Variants in GREB1 observed in about 807,000 individuals in gnomAD.
GREB1 encodes growth regulating estrogen receptor binding 1, also known as protein GREB1.
A neutral mutation model predicts 200.7 loss-of-function variants in GREB1; 106 were observed. The observed-to-expected ratio is 0.53, with a 90% confidence interval of 0.45 to 0.62. The LOEUF is 0.62. Ranked by LOEUF, GREB1 falls within the 20% of genes least tolerant of loss-of-function variation. GREB1 has a pLI of 0.00. For synonymous variants in GREB1, 1,132 were observed against 1,092.4 expected, an observed-to-expected ratio of 1.04 and a Z score of -0.72; for missense variants, 2,243 against 2,556.8, an observed-to-expected ratio of 0.88 and a Z score of 2.65.
rs1680896926 is a variant in GREB1 at position 11,593,077 on chromosome 2, CA to C, written c.1648del (p.Ile550SerfsTer47). On this transcript the variant is annotated frameshift_variant, in exon 11 of 33. Transcript: ENST00000381486. LOFTEE classifies it high-confidence loss of function. ...TTGCCAAGACCAACTACGTGGTCAT[CA>C]TCTGCGCCTGCCGCAGCGCGGCCAT... ...KLAKTNYVVI[I>X]CACRSAAIDS... 6.2e-7 allele frequency: 1 copy of C among 1,611,190 alleles called. No homozygotes were observed. The highest frequency in any genetic ancestry group is 1.7e-5 in the Admixed American group (1 of 59,910).
chr2:11,564,868 T>C (rs1032255979), intron 3 of GREB1, among the ~76,000 whole-genome samples: 2 of 152,330 alleles, frequency 1.3e-5, no homozygotes, highest in East Asian at 3.9e-4. Flanking sequence ...CTGACAATCA[T>C]GGTGGAAGGT....
chr2:11,550,537 G>C (rs566160179), intron 1 of GREB1, among the ~76,000 whole-genome samples: 1 of 152,214 alleles, frequency 6.6e-6, no homozygotes, highest in Non-Finnish European at 1.5e-5. Flanking sequence ...AGGGGAAAGG[G>C]CTGCTCGGGA....
At position 11,625,186 on chromosome 2, in the gene GREB1, C is replaced by T. The variant is rs901315544; in HGVS notation, c.4180C>T (p.Gln1394Ter). 1.2e-6 allele frequency: 2 copies of T among 1,613,954 alleles called. No individual in the cohort carries two copies. The highest frequency in any genetic ancestry group is 1.7e-6 in the Non-Finnish European group (2 of 1,179,824). The change falls in exon 24 of 33, where the codon CAG becomes TAG. Residue 1394 changes from glutamine to a stop codon, truncating the protein, a stop_gained. Coordinates refer to ENST00000381486, the MANE Select transcript of GREB1 (RefSeq NM_014668.4). LOFTEE classifies it high-confidence loss of function. ...AGAAGAATCTGACTGGCATTATCTCCAGCTTAGCGACCCCTGGCCAGACCT... is the reference window on the plus strand; with the variant it reads ...AGAAGAATCTGACTGGCATTATCTCTAGCTTAGCGACCCCTGGCCAGACCT... ...LREESDWHYLQLSDPWPDLEL... is the reference protein window; with the variant it reads ...LREESDWHYL
At chr2:11,621,111 A>G in intron 23 of GREB1, 104 bp downstream of exon 23, 1 of 758,946 alleles carries the variant, frequency 1.3e-6, no homozygotes, top group Admixed American at 1.9e-5. Flanking sequence ...TCTCAGATTC[A>G]TGATCAGACT....
intron 1 of GREB1, among the ~76,000 whole-genome samples, chr2:11,489,993 A>G (rs1672743530): frequency 6.7e-6 from 1 of 149,356 alleles, no homozygotes; most frequent in South Asian, 2.1e-4. Context: ...TTGTAATTGT[A>G]TTACAATTAT....
chr2:11,618,436 G>A lies in GREB1; in HGVS notation c.3561G>A (p.Ser1187=), dbSNP rs766229225. The change falls in exon 22 of 33, where the codon TCG becomes TCA. Residue 1187 remains serine (S), a synonymous_variant. Transcript: ENST00000381486. ...CCCGGGCAAGTCAGGGGCCACCCTC[G>A]GCCATCAGCAGGCACAGTCCCGGGC... ...QRPRASQGPP[S]AISRHSPGPT... 1.6e-5 allele frequency: 25 copies of A among 1,606,050 alleles called. No individual in the cohort carries two copies. The East Asian group carries it at 2.0e-4, about 13-fold the overall frequency.
Position 11,562,503 on chromosome 2 carries a change from A to C in GREB1, c.198A>C (p.Gly66=), listed in dbSNP as rs1255863159. The C allele has an allele frequency of 6.2e-7, 1 of 1,609,110 alleles. No homozygotes were observed. Among genetic ancestry groups the C allele is most frequent in the Non-Finnish European group, 8.5e-7 (1 of 1,177,848 alleles). The part of the protein sequence containing the change: ...RVDNEEEEEE[G]EGGLETNGPP... Reference sequence around the variant, plus strand: ...ACAATGAGGAAGAGGAAGAAGAGGGAGAAGGAGGGCTGGAAACAAATGGCC... The same window carrying C: ...ACAATGAGGAAGAGGAAGAAGAGGGCGAAGGAGGGCTGGAAACAAATGGCC... The change falls in exon 3 of 33, where the codon GGA becomes GGC. Residue 66 remains glycine (G), a synonymous_variant. Coordinates refer to ENST00000381486, the MANE Select transcript of GREB1 (RefSeq NM_014668.4).
At chr2:11,510,892 C>T (rs1572568419) in intron 1 of GREB1, among the ~76,000 whole-genome samples, 1 of 152,052 alleles carries the variant, frequency 6.6e-6, no homozygotes, top group Non-Finnish European at 1.5e-5. Context: ...AGGCTGGTCT[C>T]GAACTCCTGA....
chr2:11,640,224 G>T lies in GREB1; in HGVS notation c.5687-67G>T. ...TGTCTTGTCATTGCAAGTAGAATCC[G>T]GGCAGCCGCTTTCCTCTGGATAAAC... On this transcript the variant is annotated intron_variant, in intron 32 of 32. Coordinates refer to ENST00000381486, the MANE Select transcript of GREB1 (RefSeq NM_014668.4). The surrounding 1 kb of genome is among the most constrained non-coding windows in gnomAD (Gnocchi z 4.6). The T allele has an allele frequency of 6.7e-7, 1 of 1,491,910 alleles. No individual in the cohort carries two copies. Among genetic ancestry groups the T allele is most frequent in the South Asian group, 1.3e-5 (1 of 79,212 alleles). 92.4% of individuals were successfully genotyped at this position (1,491,910 alleles called of 1,614,324 possible).
chr2:11,554,101 C>T (rs1056671219), intron 1 of GREB1, among the ~76,000 whole-genome samples: 3 of 152,106 alleles, frequency 2.0e-5, no homozygotes, highest in African/African-American at 4.8e-5. Context: ...TAAAGTCTGC[C>T]ACAGATCGAG....
intron 4 of GREB1, among the ~76,000 whole-genome samples, chr2:11,574,118 A>G (rs1678590498): frequency 6.6e-6 from 1 of 152,222 alleles, no homozygotes; most frequent in Admixed American, 6.5e-5. Context: ...TTATTCCTTC[A>G]GAGTGCTTAC....
intron 1 of GREB1, among the ~76,000 whole-genome samples, chr2:11,511,439 G>A (rs1370433862): frequency 5.3e-5 from 8 of 152,148 alleles, no homozygotes; most frequent in Admixed American, 5.2e-4. Flanking sequence ...TCTAGGTGGG[G>A]TAAACTTTGG....
intron 1 of GREB1, among the ~76,000 whole-genome samples, chr2:11,506,474 G>T (rs1337934445): frequency 6.6e-6 from 1 of 152,138 alleles, no homozygotes; most frequent in Non-Finnish European, 1.5e-5. Flanking sequence ...CCAGACCAGT[G>T]GGCATTTTGT....
chr2:11,488,309 T>G (rs530480954), intron 1 of GREB1, among the ~76,000 whole-genome samples: 45 of 152,236 alleles, frequency 3.0e-4, no homozygotes, highest in Admixed American at 7.2e-4. Context: ...GAGGAGTCTG[T>G]AAGCTCTTAA....
intron 1 of GREB1, among the ~76,000 whole-genome samples, chr2:11,554,673 A>C (rs1676260512): frequency 6.6e-6 from 1 of 152,220 alleles, no homozygotes; most frequent in Non-Finnish European, 1.5e-5. Flanking sequence ...TGTTACTTTA[A>C]AGATGAACAG....
chr2:11,489,867 G>A (rs1672740345), intron 1 of GREB1, among the ~76,000 whole-genome samples: 1 of 151,720 alleles, frequency 6.6e-6, no homozygotes, highest in African/African-American at 2.4e-5. Flanking sequence ...GCTCAGAAGT[G>A]GCTTGTTAAG....
chr2:11,587,554 A>G, intron 9 of GREB1: 4 of 1,533,138 alleles, frequency 2.6e-6, no homozygotes, highest in South Asian at 2.4e-5. Flanking sequence ...GCCCTTGAGA[A>G]GCAGTGTCTT....
rs1193212169 is a variant in GREB1 at position 11,493,327 on chromosome 2, C to G, written c.-159+10946C>G. Among the ~76,000 whole-genome samples, 1 of 152,136 alleles carries G rather than the reference C, an allele frequency of 6.6e-6. No individual in the cohort carries two copies. Reference sequence around the variant, plus strand: ...AGACAGGGTGTGGGGGAGGGTGAAACTATTCCACCTCAGATCATCAGGTAT... The same window carrying G: ...AGACAGGGTGTGGGGGAGGGTGAAAGTATTCCACCTCAGATCATCAGGTAT... On this transcript the variant is annotated intron_variant, in intron 1 of 2. Transcript: ENST00000628795. This position sits in a 1 kb window ranked among gnomAD's most constrained non-coding sequence, Gnocchi z 4.6.
intron 1 of GREB1, among the ~76,000 whole-genome samples, chr2:11,536,422 G>A (rs1312154938): frequency 6.6e-6 from 1 of 152,166 alleles, no homozygotes; most frequent in East Asian, 1.9e-4. Flanking sequence ...ATTTATTAAT[G>A]GTGGTTATAT....
Sources: gnomAD v4.1 joint callset for allele counts (sites outside exome capture counted in the v4.1 genomes callset) on GRCh38, gnomAD v4.1.1 for gene constraint, Gnocchi (gnomAD v3.1) non-coding constraint, MANE v1.5 for transcripts, NCBI Gene and HGNC (gene_info 2026-07-23, HGNC 2026-07-21) for gene names.